Variants in MARVELD3 observed in about 807,000 individuals in gnomAD.
The protein encoded by MARVELD3 is MARVEL domain containing 3, also known as MARVEL domain-containing protein 3.
Under a neutral mutation model 33.5 loss-of-function variants are expected in MARVELD3, and 28 were observed. The ratio of observed to expected loss-of-function variants is 0.84; its 90% CI spans 0.62 to 1.15. MARVELD3 has a LOEUF of 1.15. Among genes scored for constraint, MARVELD3 ranks in the 50% most tolerant of loss-of-function variants. The probability of loss-of-function intolerance (pLI) is 0.00; values close to 1 mark genes in which losing one functional copy is unlikely to be tolerated. For missense variants in MARVELD3, 582 were observed against 547.6 expected (o/e 1.06, Z -0.63); for synonymous variants, 241 against 230.4 (o/e 1.05, Z -0.42).
chr16:71,626,675 C>A lies in MARVELD3; in HGVS notation c.446C>A (p.Pro149His). 6.6e-7 allele frequency: 1 copy of A among 1,510,830 alleles called. No homozygotes were observed. Among genetic ancestry groups the A allele is most frequent in the South Asian group, 1.3e-5 (1 of 78,644 alleles). 93.6% of individuals were successfully genotyped at this position (1,510,830 alleles called of 1,614,324 possible). A position where few individuals can be genotyped will look rare whatever the true frequency, so the allele number is the denominator to read the frequency against. Residue 149 changes from proline to histidine, a missense_variant, in exon 1 of 3, where the codon CCC (proline) becomes CAC (histidine). Coordinates refer to ENST00000268485, the MANE Select transcript of MARVELD3 (RefSeq NM_052858.6). The surrounding 1 kb of genome is among the most constrained non-coding windows in gnomAD (Gnocchi z 5.3). Reference sequence around the variant, plus strand: ...CCGCAGCCGCAGAGGAAGGGAGACCCCGGGCGCCGCAGACCCGAAAGGTGA... The same window carrying A: ...CCGCAGCCGCAGAGGAAGGGAGACCACGGGCGCCGCAGACCCGAAAGGTGA... The part of the protein sequence containing the change: ...EPPQPQRKGD[P>H]GRRRPESEPP...
downstream of MARVELD3, among the ~76,000 whole-genome samples, chr16:71,637,645 T>G (rs2044590255): frequency 6.6e-6 from 1 of 152,222 alleles, no homozygotes; most frequent in South Asian, 2.1e-4. Context: ...ATTAGCAAGC[T>G]GAGTAGCTGT....
downstream of MARVELD3, chr16:71,638,643 G>A (rs1057007447): frequency 6.6e-6 from 1 of 152,138 alleles, no homozygotes; most frequent in African/African-American, 2.4e-5. Flanking sequence ...ATATAGATTT[G>A]CAAGAAGTCA....
Position 71,635,430 on chromosome 16 carries a change from A to G in MARVELD3, c.*627A>G, listed in dbSNP as rs1325502707. Reference sequence around the variant, plus strand: ...TTCATTCAGTAAAGGGAGGTCACCAAGAGAATTTGATGAACCTTACCTTCA... The same window carrying G: ...TTCATTCAGTAAAGGGAGGTCACCAGGAGAATTTGATGAACCTTACCTTCA... On this transcript the variant is annotated 3_prime_UTR_variant, in exon 3 of 3. Coordinates refer to ENST00000268485, the MANE Select transcript of MARVELD3 (RefSeq NM_052858.6). The G allele has an allele frequency of 5.1e-6, 5 of 984,732 alleles. No homozygotes were observed. The highest frequency in any genetic ancestry group is 1.2e-4 in the Admixed American group (2 of 16,200). The allele number at this position is 984,732 out of a possible 1,614,324, so 61.0% of individuals were successfully genotyped here.
intron 2 of MARVELD3, chr16:71,629,776 C>CAG: frequency 2.3e-6 from 1 of 437,014 alleles, no homozygotes; most frequent in East Asian, 3.7e-5. Context: ...GGTGGAAGTG[C>CAG]AGAGGCCTGT....
In MARVELD3 at chr16:71,635,250, A is replaced by T. The variant is rs2044572676; in HGVS notation, c.*447A>T. 1 of 877,992 alleles carries T rather than the reference A, an allele frequency of 1.1e-6. No homozygotes were observed. The highest frequency in any genetic ancestry group is 1.8e-5 in the African/African-American group (1 of 54,654). The allele number at this position is 877,992 out of a possible 1,614,324, so 54.4% of individuals were successfully genotyped here. A position where few individuals can be genotyped will look rare whatever the true frequency, so the allele number is the denominator to read the frequency against. ...AGGCTGAGGCAGGAGAATCGCTTGA[A>T]TCTGGGAGGCGGAGATTGCAGTGAG... is the stretch of plus-strand genomic sequence containing the variant. On this transcript the variant is annotated 3_prime_UTR_variant, in exon 3 of 3. Transcript: ENST00000268485.
chr16:71,626,649 G>A lies in MARVELD3; in HGVS notation c.420G>A (p.Pro140=), dbSNP rs944110210. ...PGPAPWEAPE[P]PQPQRKGDPG... ...CCGCGCCCTGGGAAGCCCCGGAGCC[G>A]CCGCAGCCGCAGAGGAAGGGAGACC... is the stretch of plus-strand genomic sequence containing the variant. The change falls in exon 1 of 3, where the codon CCG becomes CCA. Residue 140 remains proline, a synonymous_variant. Transcript: ENST00000268485. This position sits in a 1 kb window ranked among gnomAD's most constrained non-coding sequence, Gnocchi z 5.3. 4 of 1,533,178 alleles carry A rather than the reference G, an allele frequency of 2.6e-6. No individual in the cohort carries two copies. The highest frequency in any genetic ancestry group is 4.0e-5 in the Admixed American group (2 of 50,332). The allele number at this position is 1,533,178 out of a possible 1,614,324, so 95.0% of individuals were successfully genotyped here. A position where few individuals can be genotyped will look rare whatever the true frequency, so the allele number is the denominator to read the frequency against.
In MARVELD3 at chr16:71,635,915, T is replaced by C; in HGVS notation, c.*1112T>C. On this transcript the variant is annotated 3_prime_UTR_variant, in exon 3 of 3. Coordinates refer to ENST00000268485, the MANE Select transcript of MARVELD3 (RefSeq NM_052858.6). Reference sequence around the variant, plus strand: ...ACAGTGGCCCTGAAAGCTCAATAAGTGTTTTGTACCTCTTGTAAATGTGCC... The same window carrying C: ...ACAGTGGCCCTGAAAGCTCAATAAGCGTTTTGTACCTCTTGTAAATGTGCC... 1.0e-6 allele frequency: 1 copy of C among 985,384 alleles called. No homozygotes were observed. Among genetic ancestry groups the C allele is most frequent in the Non-Finnish European group, 1.2e-6 (1 of 829,920 alleles). The allele number at this position is 985,384 out of a possible 1,614,324, so 61.0% of individuals were successfully genotyped here.
chr16:71,627,564 C>G (rs990688015), intron 1 of MARVELD3, among the ~76,000 whole-genome samples: 1 of 151,808 alleles, frequency 6.6e-6, no homozygotes, highest in Non-Finnish European at 1.5e-5. Context: ...ACAAAGTCTA[C>G]GTAAAATTCT....
chr16:71,629,598 T>A (rs1292410353), intron 2 of MARVELD3, 104 bp downstream of exon 2: 8 of 1,053,458 alleles, frequency 7.6e-6, no homozygotes, highest in African/African-American at 6.8e-5. Context: ...CCCTTGTGGG[T>A]TCCTAGCATT....
intron 1 of MARVELD3, among the ~76,000 whole-genome samples, chr16:71,628,398 G>A (rs533527645): frequency 1.1e-3 from 167 of 152,242 alleles, no homozygotes; most frequent in African/African-American, 3.7e-3. Context: ...TTAGCAGAGC[G>A]CGGTGGCGCA....
Position 71,634,183 on chromosome 16 carries a change from T to C in MARVELD3, c.596-10T>C. ...CATCACTCAAAAATGGTAACACCCTTTTTTTGCAGCCTGCTGCCAAATGCT... is the reference window on the plus strand; with the variant it reads ...CATCACTCAAAAATGGTAACACCCTCTTTTTGCAGCCTGCTGCCAAATGCT... On this transcript the variant is annotated splice_polypyrimidine_tract_variant and intron_variant, in intron 2 of 2. Coordinates refer to ENST00000268485, the MANE Select transcript of MARVELD3 (RefSeq NM_052858.6). 1 of 1,589,654 alleles carries C rather than the reference T, an allele frequency of 6.3e-7. No homozygotes were observed. Among genetic ancestry groups the C allele is most frequent in the South Asian group, 1.1e-5 (1 of 87,300 alleles).
In MARVELD3 at chr16:71,634,265, C is replaced by T. The variant is rs2044560182; in HGVS notation, c.668C>T (p.Thr223Ile). The change falls in exon 3 of 3, where the codon ACA (threonine) becomes ATA (isoleucine). Residue 223 changes from threonine (T) to isoleucine (I), a missense_variant. Coordinates refer to ENST00000268485, the MANE Select transcript of MARVELD3 (RefSeq NM_052858.6). ...LACSSVSYSS[T>I]GGYTGITSLG... ...TGCAGCTCTGTGTCTTACAGTTCCA[C>T]AGGGGGCTACACGGGCATCACCAGC... The T allele has an allele frequency of 1.9e-6, 3 of 1,614,072 alleles. No individual in the cohort carries two copies. The highest frequency in any genetic ancestry group is 1.3e-5 in the African/African-American group (1 of 74,934).
At chr16:71,638,116 A>C (rs1040032408), downstream of MARVELD3, 3 of 152,134 alleles carry the variant, frequency 2.0e-5, no homozygotes, top group Admixed American at 6.5e-5. Context: ...CCTGAACACC[A>C]CGGGAATGGC....
downstream of MARVELD3, among the ~76,000 whole-genome samples, chr16:71,636,631 C>G (rs1442675334): frequency 2.0e-5 from 3 of 152,080 alleles, no homozygotes; most frequent in Non-Finnish European, 4.4e-5. Flanking sequence ...GGCTCTGTCA[C>G]CCAGGCTGGA....
At chr16:71,632,268 A>T (rs544553010) in intron 2 of MARVELD3, among the ~76,000 whole-genome samples, 10 of 152,338 alleles carry the variant, frequency 6.6e-5, no homozygotes, top group African/African-American at 2.4e-4. Context: ...TGTCTTGATT[A>T]TGGTTACATG....
downstream of MARVELD3, among the ~76,000 whole-genome samples, chr16:71,636,850 C>T (rs1400921320): frequency 6.6e-6 from 1 of 152,200 alleles, no homozygotes; most frequent in Non-Finnish European, 1.5e-5. Context: ...CTCAGCCTCC[C>T]AAAGTGCTGG....
chr16:71,641,003 A>G (rs112608295), downstream of MARVELD3: 36 of 1,609,380 alleles, frequency 2.2e-5, no homozygotes, highest in African/African-American at 1.2e-4. Context: ...ATGCACCGGA[A>G]TATCTGTGGT....
chr16:71,632,928 A>G (rs1449790763), intron 2 of MARVELD3, among the ~76,000 whole-genome samples: 1 of 151,848 alleles, frequency 6.6e-6, no homozygotes, highest in East Asian at 1.9e-4. Flanking sequence ...TCTTATTTCT[A>G]ATACACGAAC....
chr16:71,640,446 GCCT>G (rs747146610), downstream of MARVELD3: 1 of 1,614,134 alleles, frequency 6.2e-7, no homozygotes, highest in East Asian at 2.2e-5. Flanking sequence ...ATGCATCGTG[GCCT>G]CCTACTTTGT....
Sources: allele counts gnomAD v4.1 joint callset (sites outside exome capture counted in the v4.1 genomes callset), GRCh38; gene constraint gnomAD v4.1.1; non-coding constraint Gnocchi (gnomAD v3.1); transcripts MANE v1.5; gene names NCBI Gene and HGNC (gene_info 2026-07-23, HGNC 2026-07-21).